CPAMD8: variants seen among roughly 807,000 people sequenced by gnomAD.
CPAMD8 encodes the protein C3 and PZP-like alpha-2-macroglobulin domain-containing protein 8.
Under a neutral mutation model 224.7 loss-of-function variants are expected in CPAMD8, and 146 were observed. The ratio of observed to expected loss-of-function variants is 0.65; its 90% CI spans 0.57 to 0.75. CPAMD8 has a LOEUF of 0.75. CPAMD8 is among the 30% of genes least tolerant of loss of function. The probability of loss-of-function intolerance (pLI) is 0.00; values close to 1 mark genes in which losing one functional copy is unlikely to be tolerated. For missense variants in CPAMD8, 2,301 were observed against 2,537.5 expected (o/e 0.91, Z 2.00); for synonymous variants, 966 against 1,044.6 (o/e 0.92, Z 1.45).
chr19:16,903,366 TGGGGGTGGCACACCTGAGA>T lies in CPAMD8; in HGVS notation c.4470+176_4470+194del, dbSNP rs141593648. On this transcript the variant is annotated intron_variant, in intron 34 of 41. Transcript: ENST00000443236. ...AGGGTCAAATGGACCCTCTCAGGTG[TGGGGGTGGCACACCTGAGA>T]GGACCCATGGCCACCTGCCTTGGGC... 0.029 allele frequency among the ~76,000 whole-genome samples: 4,454 copies of T among 151,778 alleles called. 236 individuals carry two copies. The highest frequency in any genetic ancestry group is 0.1 in the African/African-American group (4,135 of 41,372).
chr19:16,975,404 A>G lies in CPAMD8; in HGVS notation c.1909-146T>C, dbSNP rs1411348571. 1.2e-5 allele frequency: 8 copies of G among 658,660 alleles called. No individual in the cohort carries two copies. The East Asian group carries it at 1.9e-4, about 16-fold the overall frequency. 40.8% of individuals were successfully genotyped at this position (658,660 alleles called of 1,614,324 possible). ...AGATGGGCACTGGTAGCATCAGCCC[A>G]TTTTAAGATGGGCAAACAGGAGCCA... On this transcript the variant is annotated intron_variant, in intron 16 of 41. Coordinates refer to ENST00000443236, the MANE Select transcript of CPAMD8 (RefSeq NM_015692.5).
chr19:16,921,912 TC>T lies in CPAMD8; in HGVS notation c.3621del (p.Ser1208AlafsTer9). On this transcript the variant is annotated frameshift_variant, in exon 27 of 42. Coordinates refer to ENST00000443236, the MANE Select transcript of CPAMD8 (RefSeq NM_015692.5). LOFTEE classifies it high-confidence loss of function. ...YSAFGERDAS[G>X]SMWLTAFVLK... ...AGGGCGGTGGGGACTCACCACATGC[TC>T]CCCGATGCGTCCCGCTCCCCAAACG... is the stretch of plus-strand genomic sequence containing the variant. The T allele has an allele frequency of 6.5e-7, 1 of 1,543,614 alleles. No individual in the cohort carries two copies.
chr19:16,946,755 TTG>T (rs1162168376), intron 21 of CPAMD8, among the ~76,000 whole-genome samples: 5 of 135,028 alleles, frequency 3.7e-5, no homozygotes, highest in Non-Finnish European at 8.1e-5. Context: ...GTGTGTGGAT[TTG>T]TGTGTGTGCA....
chr19:16,957,967 T>G (rs766116260), intron 18 of CPAMD8, 52 bp from the exon 19 acceptor site: 1 of 1,513,228 alleles, frequency 6.6e-7, no homozygotes, highest in Non-Finnish European at 9.1e-7. Context: ...TAACAAATCT[T>G]ATGTGAACCT....
Position 16,893,054 on chromosome 19 carries a change from A to G in CPAMD8, c.*54T>C. The G allele has an allele frequency of 1.2e-6, 1 of 824,042 alleles. No individual in the cohort carries two copies. The highest frequency in any genetic ancestry group is 1.3e-5 in the South Asian group (1 of 74,702). The allele number at this position is 824,042 out of a possible 1,614,324, so 51.0% of individuals were successfully genotyped here. The stretch of plus-strand genomic sequence containing the variant: ...ACAGGCACAAGCTGGGTGTGTGGGT[A>G]TGAATGGTCCCCAGGACCAAACTGC... On this transcript the variant is annotated 3_prime_UTR_variant, in exon 42 of 42. Coordinates refer to ENST00000443236, the MANE Select transcript of CPAMD8 (RefSeq NM_015692.5).
Position 17,000,494 on chromosome 19 carries a change from C to A in CPAMD8, c.787G>T (p.Ala263Ser), listed in dbSNP as rs1453865173. ...RYTFGKPVAG[A>S]LMINMTVNGV... ...TTAACAGTCATGTTGATCATTAAGGCACCAGCCACAGGTTTCCCAAAGGTA... is the reference window on the plus strand; with the variant it reads ...TTAACAGTCATGTTGATCATTAAGGAACCAGCCACAGGTTTCCCAAAGGTA... The change falls in exon 10 of 42, where the codon GCC becomes TCC. Residue 263 changes from alanine to serine, a missense_variant. Physicochemically the swap from Ala to Ser is moderately conservative, Grantham distance 99 (BLOSUM62 1). Transcript: ENST00000443236. 7.0e-7 allele frequency: 1 copy of A among 1,429,636 alleles called. No individual in the cohort carries two copies. Among genetic ancestry groups the A allele is most frequent in the East Asian group, 2.3e-5 (1 of 44,150 alleles). 88.6% of individuals were successfully genotyped at this position (1,429,636 alleles called of 1,614,324 possible). A position where few individuals can be genotyped will look rare whatever the true frequency, so the allele number is the denominator to read the frequency against.
intron 21 of CPAMD8, among the ~76,000 whole-genome samples, chr19:16,946,648 A>G (rs185065693): frequency 8.6e-6 from 1 of 116,826 alleles, no homozygotes; most frequent in East Asian, 3.0e-4. Flanking sequence ...ACATGGGGAC[A>G]TGTGTGTGGA....
Position 16,928,080 on chromosome 19 carries a change from C to T in CPAMD8, c.3299G>A (p.Ser1100Asn). ...TGGGACCCCCAGGGTGAAGGCCTCG[C>T]TGTAGCTCTCGTCCACCTCCATCTT... Reference protein sequence around the residue: ...WRKMEVDESYSEAFTLGVPHG... With the variant: ...WRKMEVDESYNEAFTLGVPHG... The change falls in exon 25 of 42, where the codon AGC (serine) becomes AAC (asparagine). Residue 1100 changes from serine (S) to asparagine (N), a missense_variant. By Grantham distance (46) the Ser-to-Asn change is conservative (BLOSUM62 1). Transcript: ENST00000443236. 6.2e-7 allele frequency: 1 copy of T among 1,614,020 alleles called. No individual in the cohort carries two copies. The highest frequency in any genetic ancestry group is 8.5e-7 in the Non-Finnish European group (1 of 1,179,998).
chr19:16,929,335 G>T (rs1022422184), intron 23 of CPAMD8, 95 bp from the exon 24 acceptor site: 2 of 1,006,702 alleles, frequency 2.0e-6, no homozygotes, highest in Non-Finnish European at 3.0e-6. Flanking sequence ...GGACCACAAG[G>T]AGTGGGTCTC....
chr19:16,977,764 A>T (rs2055335395), intron 14 of CPAMD8, among the ~76,000 whole-genome samples: 1 of 152,182 alleles, frequency 6.6e-6, no homozygotes, highest in African/African-American at 2.4e-5. Context: ...CCTACAGAGC[A>T]GGCTGGAATT....
At chr19:17,020,729 T>A (rs555178391) in intron 2 of CPAMD8, among the ~76,000 whole-genome samples, 1 of 152,112 alleles carries the variant, frequency 6.6e-6, no homozygotes, top group East Asian at 1.9e-4. Context: ...GGGACTGAGG[T>A]CCCCAGTGGA....
At position 16,929,256 on chromosome 19, in the gene CPAMD8, G is replaced by A. The variant is rs776423417; in HGVS notation, c.2846-16C>T. The A allele has an allele frequency of 6.3e-7, 1 of 1,581,138 alleles. No individual in the cohort carries two copies. Among genetic ancestry groups the A allele is most frequent in the Non-Finnish European group, 8.6e-7 (1 of 1,159,202 alleles). On this transcript the variant is annotated splice_polypyrimidine_tract_variant and intron_variant, in intron 23 of 41. Transcript: ENST00000443236. ...TGGACTCTCTCTGGATGGAGGAAAG[G>A]AGATGGGGAGTTGAGAGGGCACCTG...
At chr19:16,925,419 G>T in intron 25 of CPAMD8, 47 bp from the exon 26 acceptor site, 1 of 1,449,660 alleles carries the variant, frequency 6.9e-7, no homozygotes, top group Non-Finnish European at 9.7e-7. Context: ...TCCCAGTTCA[G>T]TAGAGAACAG....
Position 16,993,539 on chromosome 19 carries a change from G to C in CPAMD8, c.1143C>G (p.Val381=). 6.2e-7 allele frequency: 1 copy of C among 1,614,128 alleles called. No homozygotes were observed. Among genetic ancestry groups the C allele is most frequent in the Non-Finnish European group, 8.5e-7 (1 of 1,180,024 alleles). Residue 381 remains valine, a synonymous_variant, in exon 12 of 42, where the codon GTC becomes GTG. Coordinates refer to ENST00000443236, the MANE Select transcript of CPAMD8 (RefSeq NM_015692.5). ...PDGSPAEGVT[V]QIKAELTPKD... is the part of the protein sequence containing the mutation. Reference sequence around the variant, plus strand: ...TTGGTGTCAGCTCTGCCTTAATCTGGACCGTCACCCCCTCAGCTGGGCTGC... The same window carrying C: ...TTGGTGTCAGCTCTGCCTTAATCTGCACCGTCACCCCCTCAGCTGGGCTGC...
Position 16,993,550 on chromosome 19 carries a change from C to G in CPAMD8, c.1132G>C (p.Gly378Arg). ...LSYPDGSPAE[G>R]VTVQIKAELT... ...TCTGCCTTAATCTGGACCGTCACCC[C>G]CTCAGCTGGGCTGCCATCGGGGTAG... Residue 378 changes from glycine to arginine, a missense_variant, in exon 12 of 42, where the codon GGG becomes CGG. Gly to Arg is a moderately radical substitution (Grantham distance 125). Coordinates refer to ENST00000443236, the MANE Select transcript of CPAMD8 (RefSeq NM_015692.5). 6.2e-7 allele frequency: 1 copy of G among 1,614,212 alleles called. No homozygotes were observed. The highest frequency in any genetic ancestry group is 2.2e-5 in the East Asian group (1 of 44,884).
chr19:16,946,239 G>GTGA (rs1278657920), intron 21 of CPAMD8, among the ~76,000 whole-genome samples: 1 of 150,320 alleles, frequency 6.7e-6, no homozygotes, highest in African/African-American at 2.4e-5. Flanking sequence ...ATTTGTGTGT[G>GTGA]ATGCATGTCT....
At chr19:16,916,064 G>A (rs1023460192) in intron 27 of CPAMD8, among the ~76,000 whole-genome samples, 16 of 151,498 alleles carry the variant, frequency 1.1e-4, no homozygotes, top group African/African-American at 3.4e-4. Flanking sequence ...ACCCAGGCTG[G>A]AGTGCAGTGG....
intron 26 of CPAMD8, among the ~76,000 whole-genome samples, chr19:16,923,261 T>C (rs973132824): frequency 1.7e-4 from 26 of 152,198 alleles, no homozygotes; most frequent in Admixed American, 2.0e-4. Flanking sequence ...ATAGAGCCAG[T>C]GGACCGTAGG....
chr19:17,006,375 T>A (rs1022477689), intron 7 of CPAMD8, among the ~76,000 whole-genome samples: 3 of 151,902 alleles, frequency 2.0e-5, no homozygotes, highest in African/African-American at 7.3e-5. Context: ...TTTAAAAAAT[T>A]AGCTGGGCTT....
Sources: gnomAD v4.1 joint callset for allele counts (sites outside exome capture counted in the v4.1 genomes callset) on GRCh38, gnomAD v4.1.1 for gene constraint, MANE v1.5 for transcripts, NCBI Gene and HGNC (gene_info 2026-07-23, HGNC 2026-07-21) for gene names.